PAPPA2: variants seen among roughly 807,000 people sequenced by gnomAD.
PAPPA2 encodes pappalysin 2.
In PAPPA2, 86 loss-of-function variants were observed where a neutral mutation model predicts 176.4. That is an observed-to-expected ratio of 0.49 (90% CI 0.41 to 0.58). The LOEUF is 0.58. Ranked by LOEUF, PAPPA2 falls within the 20% of genes least tolerant of loss-of-function variation. PAPPA2 has a pLI of 0.00. For missense variants in PAPPA2, 2,073 were observed against 2,256.9 expected, an observed-to-expected ratio of 0.92 and a Z score of 1.65; for synonymous variants, 809 against 852.2, an observed-to-expected ratio of 0.95 and a Z score of 0.88.
chr1:176,699,525 G>T lies in PAPPA2; in HGVS notation c.3172G>T (p.Asp1058Tyr). The T allele has an allele frequency of 6.2e-7, 1 of 1,613,424 alleles. No homozygotes were observed. The highest frequency in any genetic ancestry group is 8.5e-7 in the Non-Finnish European group (1 of 1,179,488). ...CRPVRYQVLR[D>Y]PPFASGLPVV... ...GCCTGTGAGGTACCAGGTTCTCCGCGATCCCCCATTTGCCAGTGGTTTGCC... is the reference window on the plus strand; with the variant it reads ...GCCTGTGAGGTACCAGGTTCTCCGCTATCCCCCATTTGCCAGTGGTTTGCC... Residue 1058 changes from aspartate (D) to tyrosine (Y), a missense_variant, in exon 8 of 23, where the codon GAT becomes TAT. Physicochemically the swap from Asp to Tyr is radical, Grantham distance 160 (BLOSUM62 -3). Around this residue, in one of 4 missense-constraint regions of PAPPA2, gnomAD observed 846 missense variants for 857.9 expected, o/e 0.99. Coordinates refer to ENST00000367662, the MANE Select transcript of PAPPA2 (RefSeq NM_020318.3).
At chr1:176,575,788 G>A (rs1402665162) in intron 2 of PAPPA2, among the ~76,000 whole-genome samples, 1 of 152,210 alleles carries the variant, frequency 6.6e-6, no homozygotes, top group Non-Finnish European at 1.5e-5. Flanking sequence ...ACTCGGATAA[G>A]TGGTTTATTG....
chr1:176,810,477 A>G (rs550191131), intron 21 of PAPPA2, among the ~76,000 whole-genome samples: 1 of 152,220 alleles, frequency 6.6e-6, no homozygotes, highest in Admixed American at 6.5e-5. Flanking sequence ...GGAGCGTGCA[A>G]CCTAGATCCC....
At chr1:176,564,859 T>A (rs1651873901) in intron 2 of PAPPA2, among the ~76,000 whole-genome samples, 1 of 151,982 alleles carries the variant, frequency 6.6e-6, no homozygotes, top group Non-Finnish European at 1.5e-5. Flanking sequence ...TCTCAATCAA[T>A]TATCTCAATC....
intron 2 of PAPPA2, among the ~76,000 whole-genome samples, chr1:176,587,589 A>G (rs963866550): frequency 2.0e-5 from 3 of 152,192 alleles, no homozygotes; most frequent in Middle Eastern, 3.4e-3. Flanking sequence ...TGTTGATCAG[A>G]TGGTTGTAGA....
intron 2 of PAPPA2, among the ~76,000 whole-genome samples, chr1:176,566,228 G>T (rs1473348612): frequency 1.3e-5 from 2 of 152,146 alleles, no homozygotes; most frequent in Non-Finnish European, 2.9e-5. Context: ...TGACTCACAG[G>T]GTTAGATCTG....
chr1:176,637,312 G>C (rs1249976268), intron 3 of PAPPA2, among the ~76,000 whole-genome samples: 1 of 152,116 alleles, frequency 6.6e-6, no homozygotes, highest in Non-Finnish European at 1.5e-5. Context: ...AGCAGAGACT[G>C]GCATGACCAG....
rs576216745 is a variant in PAPPA2 at position 176,652,460 on chromosome 1, A to G, written c.1992-18510A>G. On this transcript the variant is annotated intron_variant, in intron 3 of 22. Transcript: ENST00000367662. ...ACAATCAGAGTGTGCCCTGTACCAT[A>G]TTGGAGAGGTCCTAAAGGGGATATA... is the stretch of plus-strand genomic sequence containing the variant. 1.3e-4 allele frequency among the ~76,000 whole-genome samples: 20 copies of G among 151,766 alleles called. No individual in the cohort carries two copies. In the South Asian group the frequency reaches 4.1e-3, roughly 31 times the overall value.
At chr1:176,710,468 T>G (rs1661094033) in intron 11 of PAPPA2, among the ~76,000 whole-genome samples, 1 of 152,188 alleles carries the variant, frequency 6.6e-6, no homozygotes, top group African/African-American at 2.4e-5. Context: ...AAAATATGTA[T>G]TAAAGATCAA....
At chr1:176,518,050 T>G (rs879083897) in intron 1 of PAPPA2, among the ~76,000 whole-genome samples, 5 of 152,112 alleles carry the variant, frequency 3.3e-5, no homozygotes, top group Admixed American at 3.3e-4. Context: ...ACCCCCTTCA[T>G]TTTAGAGAGC....
chr1:176,492,107 C>T (rs1019770063), intron 1 of PAPPA2, among the ~76,000 whole-genome samples: 2 of 152,140 alleles, frequency 1.3e-5, no homozygotes, highest in East Asian at 1.9e-4. Context: ...GAGGATTTGC[C>T]AATGACAAAC....
At chr1:176,796,832 T>C (rs1665464593) in intron 20 of PAPPA2, among the ~76,000 whole-genome samples, 1 of 151,150 alleles carries the variant, frequency 6.6e-6, no homozygotes, top group East Asian at 1.9e-4. Flanking sequence ...TCCCTCTTTC[T>C]CTTTCTGACC....
chr1:176,830,931 CAG>C (rs1667058715), intron 21 of PAPPA2, among the ~76,000 whole-genome samples: 1 of 152,148 alleles, frequency 6.6e-6, no homozygotes, highest in Admixed American at 6.5e-5. Context: ...GGAAGGATGA[CAG>C]TGTCATGAAA....
chr1:176,508,344 C>CA (rs769854551), intron 1 of PAPPA2, among the ~76,000 whole-genome samples: 28 of 151,796 alleles, frequency 1.8e-4, no homozygotes, highest in Admixed American at 4.6e-4. Flanking sequence ...TAGCAAACAA[C>CA]AATTTAAAAA....
intron 17 of PAPPA2, among the ~76,000 whole-genome samples, chr1:176,775,311 T>A (rs570938272): frequency 6.6e-6 from 1 of 152,314 alleles, no homozygotes; most frequent in South Asian, 2.1e-4. Context: ...AGAATTTTGA[T>A]GTTAAAGTTG....
chr1:176,580,150 CCT>C (rs1391569606), intron 2 of PAPPA2, among the ~76,000 whole-genome samples: 1 of 152,032 alleles, frequency 6.6e-6, no homozygotes, highest in Non-Finnish European at 1.5e-5. Flanking sequence ...CAAATTTATC[CCT>C]ATCTCCCTCT....
intron 12 of PAPPA2, 56 bp downstream of exon 12, chr1:176,712,037 G>A (rs1037527012): frequency 2.9e-5 from 44 of 1,517,208 alleles, no homozygotes; most frequent in Non-Finnish European, 3.6e-5. Context: ...ATATGTGTGT[G>A]TGTGTGTGTG....
chr1:176,630,055 A>C (rs1656257659), intron 3 of PAPPA2, among the ~76,000 whole-genome samples: 1 of 152,074 alleles, frequency 6.6e-6, no homozygotes, highest in African/African-American at 2.4e-5. Context: ...GTGAGACTTC[A>C]TCTCAACAAA....
chr1:176,510,810 TACACACACACACACACAC>T (rs200808228), intron 1 of PAPPA2, among the ~76,000 whole-genome samples: 1 of 126,492 alleles, frequency 7.9e-6, no homozygotes, highest in African/African-American at 2.9e-5. Context: ...AAGCAACACA[TACACACACACACACACAC>T]ACACACACAC....
rs1263131409 is a variant in PAPPA2 at position 176,756,184 on chromosome 1, ACCTCAAGTGATCCACCCACCTCAG to A, written c.4152-9477_4152-9454del. 3.7e-4 allele frequency among the ~76,000 whole-genome samples: 56 copies of A among 152,220 alleles called. 2 individuals are homozygous for A. Among genetic ancestry groups the A allele is most frequent in the Admixed American group, 2.6e-3 (39 of 15,286 alleles). On this transcript the variant is annotated intron_variant, in intron 14 of 22. Coordinates refer to ENST00000367662, the MANE Select transcript of PAPPA2 (RefSeq NM_020318.3). ...TGGCCAGGCTGGTCTCGAACTCCTG[ACCTCAAGTGATCCACCCACCTCAG>A]CCTCCCAAAGTGTTGGAATTACAGG...
Sources: gnomAD v4.1 joint callset for allele counts (sites outside exome capture counted in the v4.1 genomes callset) on GRCh38, gnomAD v4.1.1 for gene constraint, gnomAD v4.1.1 regional missense constraint, MANE v1.5 for transcripts, NCBI Gene and HGNC (gene_info 2026-07-23, HGNC 2026-07-21) for gene names.